Variants in COMMD1 observed in about 807,000 individuals in gnomAD.
The protein encoded by COMMD1 is COMM domain-containing protein 1.
COMMD1 carries 10 observed loss-of-function variants against 17.2 expected under a neutral mutation model. That is an observed-to-expected ratio of 0.58 (90% CI 0.36 to 0.99). The LOEUF (loss-of-function observed/expected upper bound fraction) is 0.99. Among genes scored for constraint, COMMD1 ranks in the 50% least tolerant of loss-of-function variants. COMMD1 has a pLI of 0.01. For synonymous variants in COMMD1, 97 were observed against 91.6 expected (o/e 1.06, Z -0.34); for missense variants, 270 against 231.8 (o/e 1.17, Z -1.07).
At chr2:62,051,556 A>G (rs905818124) in intron 2 of COMMD1, among the ~76,000 whole-genome samples, 1 of 152,108 alleles carries the variant, frequency 6.6e-6, no homozygotes, top group Non-Finnish European at 1.5e-5. Flanking sequence ...GCCTCTTGAT[A>G]GTTTCTTTAA....
At chr2:62,014,541 CCTTTTTTTT>C (rs1669378354) in intron 2 of COMMD1, among the ~76,000 whole-genome samples, 1 of 112,794 alleles carries the variant, frequency 8.9e-6, no homozygotes, top group Non-Finnish European at 1.7e-5. Flanking sequence ...ACCATTTTAA[CCTTTTTTTT>C]TTTTTTTTTT....
chr2:61,903,195 G>A (rs542870645), upstream of COMMD1, among the ~76,000 whole-genome samples: 3 of 152,198 alleles, frequency 2.0e-5, no homozygotes, highest in South Asian at 6.2e-4. Flanking sequence ...TGTAATCCCA[G>A]CACTTTGGGA....
At chr2:62,117,724 G>A (rs1385359011) in intron 2 of COMMD1, among the ~76,000 whole-genome samples, 1 of 152,080 alleles carries the variant, frequency 6.6e-6, no homozygotes, top group African/African-American at 2.4e-5. Context: ...TTGTTATTTT[G>A]TGTGATTTCT....
At chr2:62,104,056 G>T (rs1315760047) in intron 2 of COMMD1, among the ~76,000 whole-genome samples, 1 of 152,052 alleles carries the variant, frequency 6.6e-6, no homozygotes, top group African/African-American at 2.4e-5. Flanking sequence ...GCCCAGGCTG[G>T]TCTTGTACTC....
chr2:62,059,162 T>C (rs1003450584), intron 2 of COMMD1, among the ~76,000 whole-genome samples: 2 of 152,140 alleles, frequency 1.3e-5, no homozygotes, highest in African/African-American at 4.8e-5. Flanking sequence ...ATCTGTTTTA[T>C]TATTTTTTTT....
At chr2:62,034,088 CAAAAAAA>C (rs34439318) in intron 2 of COMMD1, among the ~76,000 whole-genome samples, 5 of 62,578 alleles carry the variant, frequency 8.0e-5, no homozygotes, top group Non-Finnish European at 1.3e-4. Context: ...GACCCTGTCT[CAAAAAAA>C]AAAAAAAAAA....
intron 2 of COMMD1, among the ~76,000 whole-genome samples, chr2:62,037,493 A>G (rs991338039): frequency 5.9e-5 from 9 of 152,214 alleles, no homozygotes; most frequent in African/African-American, 2.2e-4. Context: ...TATGATTATG[A>G]AAGTCTTAGA....
At chr2:62,043,785 T>G (rs973622424) in intron 2 of COMMD1, among the ~76,000 whole-genome samples, 3 of 152,190 alleles carry the variant, frequency 2.0e-5, no homozygotes, top group Admixed American at 2.0e-4. Context: ...GTAATTTGCT[T>G]TTTGGTAACC....
At chr2:62,109,033 C>T (rs1310853908) in intron 2 of COMMD1, among the ~76,000 whole-genome samples, 1 of 152,208 alleles carries the variant, frequency 6.6e-6, no homozygotes, top group Non-Finnish European at 1.5e-5. Flanking sequence ...TAACTGTCTA[C>T]TTGGCCTGTC....
intron 1 of COMMD1, among the ~76,000 whole-genome samples, chr2:61,899,474 A>T (rs577895203): frequency 6.6e-6 from 1 of 152,174 alleles, no homozygotes; most frequent in Non-Finnish European, 1.5e-5. Flanking sequence ...CTTCCATGTC[A>T]TACATTATAT....
intron 2 of COMMD1, among the ~76,000 whole-genome samples, chr2:62,077,533 C>T (rs1325846419): frequency 6.6e-6 from 1 of 152,158 alleles, no homozygotes. Context: ...TCCCACACAT[C>T]CCTATTATCA....
intron 1 of COMMD1, among the ~76,000 whole-genome samples, chr2:61,947,822 G>T (rs1351281293): frequency 6.6e-6 from 1 of 150,928 alleles, no homozygotes; most frequent in African/African-American, 2.4e-5. Context: ...GAGGTAGCTG[G>T]GCTTATAGGC....
chr2:62,037,959 G>C (rs556149245), intron 2 of COMMD1, among the ~76,000 whole-genome samples: 2 of 152,090 alleles, frequency 1.3e-5, no homozygotes, highest in Non-Finnish European at 2.9e-5. Flanking sequence ...AATTCGGTCT[G>C]CCTCACAGAG....
rs561864475 is a variant in COMMD1, at chr2:62,003,465, C to T, written c.462+2483C>T. Among the ~76,000 whole-genome samples the T allele has an allele frequency of 6.0e-5, 9 of 151,046 alleles. 3 individuals are homozygous for T. Among genetic ancestry groups the T allele is most frequent in the African/African-American group, 1.9e-4 (8 of 41,150 alleles). ...CTGAGGCAGGAGAATGGTGTGAACC[C>T]AGGAGGTGGAGCTTGCAGTGAGCCG... On this transcript the variant is annotated intron_variant, in intron 2 of 2. Coordinates refer to ENST00000311832, the MANE Select transcript of COMMD1 (RefSeq NM_152516.4).
intron 1 of COMMD1, among the ~76,000 whole-genome samples, chr2:61,931,108 T>G (rs1293711430): frequency 5.9e-5 from 9 of 151,982 alleles, no homozygotes; most frequent in Non-Finnish European, 1.3e-4. Context: ...GGTTAGGAGT[T>G]CGAGACCAGC....
chr2:61,936,246 T>C (rs1244242957), intron 1 of COMMD1, among the ~76,000 whole-genome samples: 1 of 152,198 alleles, frequency 6.6e-6, no homozygotes, highest in East Asian at 1.9e-4. Context: ...TTCAAAGTTA[T>C]GTAAGCAATG....
intron 1 of COMMD1, among the ~76,000 whole-genome samples, chr2:61,983,658 C>T (rs1452202537): frequency 6.6e-6 from 1 of 152,076 alleles, no homozygotes; most frequent in Non-Finnish European, 1.5e-5. Flanking sequence ...GCCTCTAATC[C>T]TTCAGTTTCT....
chr2:61,913,819 A>AGG (rs1453111293), intron 1 of COMMD1, among the ~76,000 whole-genome samples: 5 of 122,962 alleles, frequency 4.1e-5, no homozygotes, highest in Non-Finnish European at 8.5e-5. Context: ...AAAAAAAAAG[A>AGG]AAAGTGTGTT....
In COMMD1 at chr2:61,970,471, TTAAA is replaced by T. The variant is rs537663132; in HGVS notation, c.181-30226_181-30223del. Among the ~76,000 whole-genome samples, 341 of 152,298 alleles carry T rather than the reference TTAAA, an allele frequency of 2.2e-3. 1 individual carries two copies. The highest frequency in any genetic ancestry group is 7.6e-3 in the African/African-American group (318 of 41,570). The stretch of plus-strand genomic sequence containing the variant: ...ACCAAAATACACTCTCCCATATACT[TTAAA>T]TAATCTCTAGATTACTTATAATACG... On this transcript the variant is annotated intron_variant, in intron 1 of 2. Coordinates refer to ENST00000311832, the MANE Select transcript of COMMD1 (RefSeq NM_152516.4).
Sources: allele counts gnomAD v4.1 joint callset (sites outside exome capture counted in the v4.1 genomes callset), GRCh38; gene constraint gnomAD v4.1.1; transcripts MANE v1.5; gene names NCBI Gene and HGNC (gene_info 2026-07-23, HGNC 2026-07-21).